The following PHACTR2 variants were observed in gnomAD, a reference collection of about 807,000 sequenced individuals.
PHACTR2 encodes phosphatase and actin regulator 2.
A neutral mutation model predicts 76.0 loss-of-function variants in PHACTR2; 30 were observed. The ratio of observed to expected loss-of-function variants is 0.39; its 90% CI spans 0.30 to 0.54. The LOEUF (loss-of-function observed/expected upper bound fraction) is 0.54, where lower values mean the gene tolerates loss of function less well. Among genes scored for constraint, PHACTR2 ranks in the 20% least tolerant of loss-of-function variants. The pLI is 0.61. For missense variants in PHACTR2, 696 were observed against 781.1 expected, an observed-to-expected ratio of 0.89 and a Z score of 1.30; for synonymous variants, 292 against 292.5, an observed-to-expected ratio of 1.00 and a Z score of 0.02.
chr6:143,677,458 G>A (rs1777270517), upstream of PHACTR2, among the ~76,000 whole-genome samples: 1 of 152,004 alleles, frequency 6.6e-6, no homozygotes, highest in Non-Finnish European at 1.5e-5. Context: ...CAGAGTTTTA[G>A]GTGGGAGACA....
At chr6:143,746,039 G>A (rs1181059049) in intron 2 of PHACTR2, among the ~76,000 whole-genome samples, 2 of 152,200 alleles carry the variant, frequency 1.3e-5, no homozygotes, top group African/African-American at 4.8e-5. Context: ...ATCCATAATG[G>A]AAAGGCAGAA....
intron 2 of PHACTR2, among the ~76,000 whole-genome samples, chr6:143,716,627 C>A (rs990505523): frequency 6.6e-6 from 1 of 152,212 alleles, no homozygotes; most frequent in African/African-American, 2.4e-5. Context: ...GCGTGAGCCA[C>A]CTCACTCAGT....
chr6:143,546,477 A>G lies in PHACTR2; in HGVS notation c.217+9270A>G, dbSNP rs1774999186. ...AACTCACATACTGTAAGCATGTGAC[A>G]TAATAATTAATGGTCATTAGTCAGG... is the stretch of plus-strand genomic sequence containing the variant. On this transcript the variant is annotated intron_variant, in intron 1 of 11. Coordinates refer to the PHACTR2 transcript ENST00000367584. The surrounding 1 kb of genome is among the most constrained non-coding windows in gnomAD (Gnocchi z 4.9). Among the ~76,000 whole-genome samples the G allele has an allele frequency of 6.6e-6, 1 of 152,184 alleles. No homozygotes were observed.
chr6:143,542,556 T>G (rs1370372398), intron 1 of PHACTR2, among the ~76,000 whole-genome samples: 2 of 152,152 alleles, frequency 1.3e-5, no homozygotes, highest in Non-Finnish European at 2.9e-5. Context: ...GAGCTTCTGT[T>G]TGTCTCTCTG....
intron 12 of PHACTR2, among the ~76,000 whole-genome samples, chr6:143,808,711 T>A (rs892949589): frequency 2.6e-5 from 4 of 152,180 alleles, no homozygotes; most frequent in African/African-American, 9.7e-5. Context: ...TACTTCTTCT[T>A]TATTTTTTTA....
intron 1 of PHACTR2, among the ~76,000 whole-genome samples, chr6:143,655,496 A>G (rs1776834070): frequency 6.6e-6 from 1 of 152,254 alleles, no homozygotes. Context: ...TAAAGAAGAT[A>G]TTTAAAAATC....
At chr6:143,576,877 A>C (rs1717830597) in intron 1 of PHACTR2, among the ~76,000 whole-genome samples, 1 of 13,340 alleles carries the variant, frequency 7.5e-5, no homozygotes, top group Non-Finnish European at 2.1e-4. Flanking sequence ...CTCTGTCTCA[A>C]AAAAAAAAAA....
At chr6:143,643,993 G>A (rs1000930435) in intron 1 of PHACTR2, among the ~76,000 whole-genome samples, 2 of 152,092 alleles carry the variant, frequency 1.3e-5, no homozygotes, top group South Asian at 2.1e-4. Flanking sequence ...TACCCCCAGG[G>A]TTTTTAAATA....
At chr6:143,545,048 A>G (rs1301770855) in intron 1 of PHACTR2, among the ~76,000 whole-genome samples, 1 of 151,766 alleles carries the variant, frequency 6.6e-6, no homozygotes, top group East Asian at 1.9e-4. Flanking sequence ...TGTTCAAGCG[A>G]TTCTCCCACC....
rs975599378 is a variant in PHACTR2, at chr6:143,777,563, G to T, written c.1645+180G>T. 1.3e-5 allele frequency among the ~76,000 whole-genome samples: 2 copies of T among 151,926 alleles called. No individual in the cohort carries two copies. Among genetic ancestry groups the T allele is most frequent in the African/African-American group, 4.8e-5 (2 of 41,360 alleles). ...TATATTTTTTTAATTTCTTGAATTT[G>T]ATATTTGATTTTATGGCTTTGAGCC... is the stretch of plus-strand genomic sequence containing the variant. On this transcript the variant is annotated intron_variant, in intron 9 of 12. Transcript: ENST00000440869. The surrounding 1 kb of genome is among the most constrained non-coding windows in gnomAD (Gnocchi z 4.6).
intron 1 of PHACTR2, among the ~76,000 whole-genome samples, chr6:143,703,964 T>C (rs1777978010): frequency 6.6e-6 from 1 of 152,204 alleles, no homozygotes; most frequent in Non-Finnish European, 1.5e-5. Flanking sequence ...CCCATAAATA[T>C]GTATCATATG....
upstream of PHACTR2, among the ~76,000 whole-genome samples, chr6:143,604,056 C>T (rs1775840712): frequency 6.7e-6 from 1 of 148,892 alleles, no homozygotes; most frequent in Admixed American, 6.7e-5. Context: ...CGAGATCATG[C>T]CACTGCACTC....
chr6:143,622,667 A>G (rs1433678445), intron 1 of PHACTR2, among the ~76,000 whole-genome samples: 1 of 152,220 alleles, frequency 6.6e-6, no homozygotes, highest in Non-Finnish European at 1.5e-5. Context: ...AACGATGCAA[A>G]ATGCAGCTTA....
At chr6:143,579,710 C>T (rs1392036905) in intron 1 of PHACTR2, among the ~76,000 whole-genome samples, 1 of 151,982 alleles carries the variant, frequency 6.6e-6, no homozygotes, top group Non-Finnish European at 1.5e-5. Flanking sequence ...TGCACCGAGA[C>T]GATCAGCGGG....
At chr6:143,808,895 G>A (rs1050729305) in intron 12 of PHACTR2, among the ~76,000 whole-genome samples, 4 of 152,048 alleles carry the variant, frequency 2.6e-5, no homozygotes, top group East Asian at 1.9e-4. Flanking sequence ...TTCTAGGGTC[G>A]GGAAAAATGT....
At chr6:143,604,444 C>G (rs986790551), upstream of PHACTR2, among the ~76,000 whole-genome samples, 3 of 152,156 alleles carry the variant, frequency 2.0e-5, no homozygotes, top group African/African-American at 7.2e-5. Flanking sequence ...TGTTTCTGCT[C>G]TTTTTCTCCA....
chr6:143,544,230 A>AGGAG (rs1180112934), intron 1 of PHACTR2, among the ~76,000 whole-genome samples: 3 of 132,516 alleles, frequency 2.3e-5, no homozygotes, highest in Admixed American at 1.4e-4. Context: ...CCTTCATTCC[A>AGGAG]GGAGGGAGGG....
In PHACTR2 at chr6:143,633,757, G is replaced by A. The variant is rs1429020789; in HGVS notation, c.13+25435G>A. 6.6e-6 allele frequency among the ~76,000 whole-genome samples: 1 copy of A among 152,110 alleles called. No homozygotes were observed. The highest frequency in any genetic ancestry group is 1.5e-5 in the Non-Finnish European group (1 of 68,016). On this transcript the variant is annotated intron_variant, in intron 1 of 11. Transcript: ENST00000305766. This position sits in a 1 kb window ranked among gnomAD's most constrained non-coding sequence, Gnocchi z 4.1. ...TAGATTTTCTCCTACGTTATCTTCT[G>A]GGAATTCTGTAGTTTTGTACTTTAT...
In PHACTR2 at chr6:143,738,377, A is replaced by T. The variant is rs925539318; in HGVS notation, c.215-10608A>T. ...AACAAAACAAAACAAAAGATTATACATTTTTTTTCATGACCCCCCTGAAAA... is the reference window on the plus strand; with the variant it reads ...AACAAAACAAAACAAAAGATTATACTTTTTTTTTCATGACCCCCCTGAAAA... On this transcript the variant is annotated intron_variant, in intron 2 of 12. Coordinates refer to ENST00000440869, the MANE Select transcript of PHACTR2 (RefSeq NM_001100164.2). The surrounding 1 kb of genome is among the most constrained non-coding windows in gnomAD (Gnocchi z 4.0). Among the ~76,000 whole-genome samples, 4 of 151,568 alleles carry T rather than the reference A, an allele frequency of 2.6e-5. No individual in the cohort carries two copies. The highest frequency in any genetic ancestry group is 5.9e-5 in the Non-Finnish European group (4 of 67,906).
Sources: allele counts gnomAD v4.1 joint callset (sites outside exome capture counted in the v4.1 genomes callset), GRCh38; gene constraint gnomAD v4.1.1; non-coding constraint Gnocchi (gnomAD v3.1); transcripts MANE v1.5; gene names NCBI Gene and HGNC (gene_info 2026-07-23, HGNC 2026-07-21).